BRAP: variants seen among roughly 807,000 people sequenced by gnomAD.
BRAP encodes the protein BRCA1 associated protein, also known as BRCA1-associated protein.
BRAP carries 42 observed loss-of-function variants against 73.4 expected under a neutral mutation model. The observed-to-expected ratio is 0.57, with a 90% CI of 0.45 to 0.74. The LOEUF is 0.74. Among genes scored for constraint, BRAP ranks in the 30% least tolerant of loss-of-function variants. The pLI is 0.00. For synonymous variants in BRAP, 255 were observed against 267.4 expected (o/e 0.95, Z 0.45); for missense variants, 593 against 751.4 (o/e 0.79, Z 2.46).
At chr12:111,666,843 C>T (rs1475303105) in intron 5 of BRAP, among the ~76,000 whole-genome samples, 1 of 152,178 alleles carries the variant, frequency 6.6e-6, no homozygotes, top group Non-Finnish European at 1.5e-5. Context: ...CAAGAAGCCA[C>T]GTTCATTTAA....
chr12:111,681,496 T>C lies in BRAP; in HGVS notation c.443+141A>G, dbSNP rs557630976. On this transcript the variant is annotated intron_variant, in intron 3 of 11. Coordinates refer to ENST00000419234, the MANE Select transcript of BRAP (RefSeq NM_006768.5). The stretch of plus-strand genomic sequence containing the variant: ...TCAAATGTAAAACATCTGAGAATTC[T>C]CTAACATACAACAGACAAAAGTATT... 5 of 637,440 alleles carry C rather than the reference T, an allele frequency of 7.8e-6. No homozygotes were observed. In the East Asian group the frequency reaches 1.4e-4, roughly 18 times the overall value. 39.5% of individuals were successfully genotyped at this position (637,440 alleles called of 1,614,324 possible). A position where few individuals can be genotyped will look rare whatever the true frequency, so the allele number is the denominator to read the frequency against.
chr12:111,665,779 G>A lies in BRAP; in HGVS notation c.756C>T (p.Ser252=), dbSNP rs1039486950. 1 of 1,614,212 alleles carries A rather than the reference G, an allele frequency of 6.2e-7. No individual in the cohort carries two copies. Among genetic ancestry groups the A allele is most frequent in the Non-Finnish European group, 8.5e-7 (1 of 1,180,034 alleles). ...GTTCAGTCAGGTCCATCACTGGGAG[G>A]CTGGCGCCCTACAGGAAACACCTCA... ...AEVLKSEDGA[S]LPVMDLTELP... is the part of the protein sequence containing the mutation. Residue 252 remains serine, a synonymous_variant, in exon 6 of 12, where the codon AGC becomes AGT. Transcript: ENST00000419234. The surrounding 1 kb of genome is among the most constrained non-coding windows in gnomAD (Gnocchi z 4.3).
At chr12:111,674,495 G>A (rs1197909202) in intron 4 of BRAP, among the ~76,000 whole-genome samples, 3 of 152,034 alleles carry the variant, frequency 2.0e-5, no homozygotes, top group African/African-American at 4.8e-5. Context: ...CACCCACCTC[G>A]GTCTCCCAAA....
intron 9 of BRAP, among the ~76,000 whole-genome samples, chr12:111,657,667 C>T (rs918856855): frequency 3.3e-5 from 5 of 152,068 alleles, no homozygotes; most frequent in African/African-American, 1.2e-4. Flanking sequence ...ACCACGAGGT[C>T]AGGAGATCGA....
chr12:111,677,619 G>A (rs919718696), intron 4 of BRAP, among the ~76,000 whole-genome samples: 4 of 152,166 alleles, frequency 2.6e-5, no homozygotes, highest in Non-Finnish European at 5.9e-5. Flanking sequence ...AGAAGCCATC[G>A]ATAAACGTTG....
At chr12:111,671,865 T>G (rs866175866) in intron 5 of BRAP, among the ~76,000 whole-genome samples, 4 of 151,822 alleles carry the variant, frequency 2.6e-5, no homozygotes. Context: ...TTTGTATTTT[T>G]TGTAGAGACA....
chr12:111,683,020 G>T, intron 2 of BRAP, 126 bp downstream of exon 2: 1 of 1,011,108 alleles, frequency 9.9e-7, no homozygotes, highest in Non-Finnish European at 1.5e-6. Flanking sequence ...GTCATATAAA[G>T]CACACACGTA....
In BRAP at chr12:111,685,858, C is replaced by A. The variant is rs1887816122; in HGVS notation, c.-66G>T. ...CGAGGCTGGAAGGCGAGCCGAGAGG[C>A]CGAGCGGCCCGGGGCCGGCAGCGCC... On this transcript the variant is annotated 5_prime_UTR_variant, in exon 1 of 12. Transcript: ENST00000419234. The A allele has an allele frequency of 7.9e-7, 1 of 1,258,322 alleles. No homozygotes were observed. Among genetic ancestry groups the A allele is most frequent in the Non-Finnish European group, 1.0e-6 (1 of 966,816 alleles). 77.9% of individuals were successfully genotyped at this position (1,258,322 alleles called of 1,614,324 possible). A position where few individuals can be genotyped will look rare whatever the true frequency, so the allele number is the denominator to read the frequency against.
rs1363126199 is a variant in BRAP at position 111,679,950 on chromosome 12, A to C, written c.444-610T>G. ...CAACTCTGGCTATGGACCTCTCTTA[A>C]AAGGCCTAAAAAAACAGCTCTAAAT... On this transcript the variant is annotated intron_variant, in intron 3 of 11. Transcript: ENST00000419234. Among the ~76,000 whole-genome samples the C allele has an allele frequency of 2.0e-5, 3 of 151,672 alleles. No individual in the cohort carries two copies. In the South Asian group the frequency reaches 6.2e-4, roughly 32 times the overall value.
intron 4 of BRAP, among the ~76,000 whole-genome samples, chr12:111,675,905 T>C (rs557118533): frequency 2.0e-5 from 3 of 152,290 alleles, no homozygotes; most frequent in African/African-American, 7.2e-5. Context: ...TGTCCTTTTC[T>C]GCCCCCAAGA....
At chr12:111,656,940 T>C (rs1374714981) in intron 9 of BRAP, among the ~76,000 whole-genome samples, 3 of 152,062 alleles carry the variant, frequency 2.0e-5, no homozygotes, top group Non-Finnish European at 4.4e-5. Flanking sequence ...CAAGGCCTTG[T>C]TATGTTGCCG....
At chr12:111,682,520 A>AAAAG (rs1341240490) in intron 2 of BRAP, among the ~76,000 whole-genome samples, 2 of 146,496 alleles carry the variant, frequency 1.4e-5, no homozygotes, top group East Asian at 2.0e-4. Flanking sequence ...AAAAAAAAAG[A>AAAAG]AAAGAAAGAA....
At chr12:111,682,924 C>T (rs528858371) in intron 2 of BRAP, among the ~76,000 whole-genome samples, 2 of 152,102 alleles carry the variant, frequency 1.3e-5, no homozygotes, top group African/African-American at 4.8e-5. Flanking sequence ...AAAAGTCCCC[C>T]CCGTCACTGA....
chr12:111,659,070 C>T lies in BRAP; in HGVS notation c.1111+137G>A. On this transcript the variant is annotated intron_variant, in intron 8 of 11. Transcript: ENST00000419234. The stretch of plus-strand genomic sequence containing the variant: ...AAGACATTCCTAGAAAAATAGTGCC[C>T]TCAGGGAAACTGAGAATTTGGGTTT... The T allele has an allele frequency of 2.7e-6, 3 of 1,103,192 alleles. No homozygotes were observed. In the East Asian group the frequency reaches 7.4e-5, roughly 27 times the overall value. 68.3% of individuals were successfully genotyped at this position (1,103,192 alleles called of 1,614,324 possible).
chr12:111,650,684 C>A (rs985270546), intron 10 of BRAP, among the ~76,000 whole-genome samples: 5 of 152,186 alleles, frequency 3.3e-5, no homozygotes, highest in Non-Finnish European at 7.3e-5. Flanking sequence ...TGAGCCACTG[C>A]GCCTGACCTA....
At chr12:111,684,882 T>G (rs952541906) in intron 1 of BRAP, among the ~76,000 whole-genome samples, 4 of 152,200 alleles carry the variant, frequency 2.6e-5, no homozygotes, top group African/African-American at 9.7e-5. Context: ...TTGGCCAGGC[T>G]GGTCTTGAAC....
At chr12:111,648,893 T>G (rs891239710) in intron 11 of BRAP, among the ~76,000 whole-genome samples, 2 of 151,818 alleles carry the variant, frequency 1.3e-5, no homozygotes, top group African/African-American at 4.8e-5. Flanking sequence ...GCCACAGCAC[T>G]CCAGCCTGGG....
In BRAP at chr12:111,685,852, G is replaced by A. The variant is rs987958356; in HGVS notation, c.-60C>T. 55 of 1,292,150 alleles carry A rather than the reference G, an allele frequency of 4.3e-5. No individual in the cohort carries two copies. Among genetic ancestry groups the A allele is most frequent in the Non-Finnish European group, 5.4e-5 (54 of 994,800 alleles). The allele number at this position is 1,292,150 out of a possible 1,614,324, so 80.0% of individuals were successfully genotyped here. A position where few individuals can be genotyped will look rare whatever the true frequency, so the allele number is the denominator to read the frequency against. On this transcript the variant is annotated 5_prime_UTR_variant, in exon 1 of 12. Coordinates refer to ENST00000419234, the MANE Select transcript of BRAP (RefSeq NM_006768.5). ...CTCAGGCGAGGCTGGAAGGCGAGCC[G>A]AGAGGCCGAGCGGCCCGGGGCCGGC...
chr12:111,648,123 C>A (rs997505831), intron 11 of BRAP, among the ~76,000 whole-genome samples: 2 of 151,060 alleles, frequency 1.3e-5, no homozygotes, highest in African/African-American at 2.4e-5. Context: ...CATGGTGAAA[C>A]CCCGTCTCTA....
Sources: gnomAD v4.1 joint callset for allele counts (sites outside exome capture counted in the v4.1 genomes callset) on GRCh38, gnomAD v4.1.1 for gene constraint, Gnocchi (gnomAD v3.1) non-coding constraint, MANE v1.5 for transcripts, NCBI Gene and HGNC (gene_info 2026-07-23, HGNC 2026-07-21) for gene names.